The following ACBD5 variants were observed in gnomAD, a reference collection of about 807,000 sequenced individuals.
The protein encoded by ACBD5 is acyl-CoA binding domain containing 5.
A neutral mutation model predicts 71.8 loss-of-function variants in ACBD5; 40 were observed. The ratio of observed to expected loss-of-function variants is 0.56; its 90% CI spans 0.43 to 0.72. ACBD5 has a LOEUF of 0.72. Among genes scored for constraint, ACBD5 ranks in the 30% least tolerant of loss-of-function variants. ACBD5 has a pLI of 0.00. For missense variants in ACBD5, 559 were observed against 644.5 expected (o/e 0.87, Z 1.44); for synonymous variants, 229 against 218.6 (o/e 1.05, Z -0.42).
intron 4 of ACBD5, among the ~76,000 whole-genome samples, chr10:27,226,899 C>T (rs2063115897): frequency 6.6e-6 from 1 of 151,752 alleles, no homozygotes; most frequent in African/African-American, 2.4e-5. Flanking sequence ...AGAGATCCAC[C>T]CACCTCGGCC....
chr10:27,221,309 G>C (rs922648652), intron 5 of ACBD5, among the ~76,000 whole-genome samples: 1 of 152,156 alleles, frequency 6.6e-6, no homozygotes, highest in Non-Finnish European at 1.5e-5. Flanking sequence ...ACATTAAAGA[G>C]GAAAGAGACT....
chr10:27,214,187 A>G (rs1033757491), intron 8 of ACBD5, among the ~76,000 whole-genome samples: 1 of 152,194 alleles, frequency 6.6e-6, no homozygotes, highest in African/African-American at 2.4e-5. Flanking sequence ...CAGAGTGGCT[A>G]TAGTCGGCAA....
At chr10:27,239,772 A>C (rs1468488355) in intron 2 of ACBD5, among the ~76,000 whole-genome samples, 4 of 151,842 alleles carry the variant, frequency 2.6e-5, no homozygotes, top group African/African-American at 9.7e-5. Flanking sequence ...TTTGAGATGG[A>C]GTCTGGCTCT....
chr10:27,193,823 C>G (rs551582764), downstream of ACBD5, among the ~76,000 whole-genome samples: 1 of 152,138 alleles, frequency 6.6e-6, no homozygotes, highest in Admixed American at 6.6e-5. Context: ...AGACTTATAT[C>G]GAAGGAAAAG....
At chr10:27,240,971 C>T (rs2065432247), upstream of ACBD5, 6 of 588,378 alleles carry the variant, frequency 1.0e-5, no homozygotes, top group Non-Finnish European at 1.5e-5. The surrounding 1 kb of genome is among the most constrained non-coding windows in gnomAD (Gnocchi z 4.1). Context: ...GGAAAGGGGG[C>T]CACAGTCCCG....
intron 4 of ACBD5, among the ~76,000 whole-genome samples, chr10:27,228,814 T>TATATATATATATATA (rs2063460842): frequency 2.1e-4 from 1 of 4,866 alleles, no homozygotes; most frequent in Non-Finnish European, 5.6e-4. Context: ...TATATATATA[T>TATATATATATATATA]ATTTTTTTTT....
chr10:27,193,527 A>G (rs1187189163), downstream of ACBD5: 2 of 152,238 alleles, frequency 1.3e-5, no homozygotes, highest in Non-Finnish European at 2.9e-5. Flanking sequence ...CAAAAATATA[A>G]CTATGAGAGC....
chr10:27,232,551 C>A (rs1333166501), intron 3 of ACBD5, among the ~76,000 whole-genome samples: 1 of 152,104 alleles, frequency 6.6e-6, no homozygotes, highest in African/African-American at 2.4e-5. Context: ...TGGTCTCGAA[C>A]TCCTAACCTC....
chr10:27,204,467 A>G lies in ACBD5; in HGVS notation c.1538T>C (p.Val513Ala). The G allele has an allele frequency of 1.2e-6, 2 of 1,614,022 alleles. No homozygotes were observed. The highest frequency in any genetic ancestry group is 1.7e-6 in the Non-Finnish European group (2 of 1,179,906). ...TCTCCTTCTTTGATAGTATAAATAC[A>G]CCAACCACTGTGCAATAAAAGGCCA... The part of the protein sequence containing the change: ...IIWPFIAQWL[V>A]YLYYQRRRRK... The change falls in exon 12 of 13, where the codon GTG (valine) becomes GCG (alanine). Residue 513 changes from valine (V) to alanine (A), a missense_variant. Transcript: ENST00000396271.
chr10:27,205,378 T>A, intron 10 of ACBD5, 130 bp from the exon 11 acceptor site: 1 of 850,068 alleles, frequency 1.2e-6, no homozygotes, highest in Non-Finnish European at 2.0e-6. Flanking sequence ...TCTTTATGTA[T>A]AGAACAGTTG....
rs1169917244 is a variant in ACBD5, at chr10:27,228,791, T to TTA, written c.375+2955_375+2956dup. Among the ~76,000 whole-genome samples the TTA allele has an allele frequency of 6.8e-3, 151 of 22,138 alleles. 7 individuals are homozygous for TTA. Among genetic ancestry groups the TTA allele is most frequent in the Non-Finnish European group, 0.016 (98 of 5,988 alleles). 14.5% of individuals were successfully genotyped at this position (22,138 alleles called of 152,430 possible). ...TCTATAAAACATAATCCTATTATGT[T>TTA]TATATATATATATATATATATATAT... On this transcript the variant is annotated intron_variant, in intron 4 of 12. Coordinates refer to ENST00000396271, the MANE Select transcript of ACBD5 (RefSeq NM_145698.5).
intron 4 of ACBD5, among the ~76,000 whole-genome samples, chr10:27,225,486 G>A (rs2062903097): frequency 6.6e-6 from 1 of 152,134 alleles, no homozygotes; most frequent in African/African-American, 2.4e-5. Flanking sequence ...TGGTTCTAGT[G>A]ATTATAATTT....
downstream of ACBD5, among the ~76,000 whole-genome samples, chr10:27,190,314 C>T (rs906975472): frequency 4.9e-5 from 5 of 102,622 alleles, no homozygotes; most frequent in African/African-American, 1.7e-4. Flanking sequence ...TGTTTTGTCC[C>T]ACCCCCATTA....
chr10:27,196,865 T>C lies in ACBD5; in HGVS notation c.*565A>G, dbSNP rs1188424119. ...ATGCCTGAACACCAAACTCAAGAGT[T>C]GTGAATGCCCAAGAAAGATTATGGG... On this transcript the variant is annotated 3_prime_UTR_variant, in exon 13 of 13. Transcript: ENST00000396271. 1 of 454,102 alleles carries C rather than the reference T, an allele frequency of 2.2e-6. No homozygotes were observed. Among genetic ancestry groups the C allele is most frequent in the Admixed American group, 2.3e-5 (1 of 42,558 alleles). The allele number at this position is 454,102 out of a possible 1,614,324, so 28.1% of individuals were successfully genotyped here.
intron 12 of ACBD5, among the ~76,000 whole-genome samples, chr10:27,200,921 C>T (rs1317331535): frequency 6.6e-6 from 1 of 152,008 alleles, no homozygotes; most frequent in Non-Finnish European, 1.5e-5. Context: ...TCCTGTAATC[C>T]CAGTACAAGA....
chr10:27,208,968 G>A (rs368632546), intron 9 of ACBD5, among the ~76,000 whole-genome samples: 2 of 152,066 alleles, frequency 1.3e-5, no homozygotes, highest in Non-Finnish European at 2.9e-5. Flanking sequence ...TTTTTGCTAA[G>A]GTTCTATAAT....
chr10:27,213,905 T>C (rs976983223), intron 8 of ACBD5, among the ~76,000 whole-genome samples: 1 of 152,280 alleles, frequency 6.6e-6, no homozygotes, highest in Middle Eastern at 3.4e-3. Flanking sequence ...TAGCCAAGAT[T>C]TGGAAGCAAC....
intron 13 of ACBD5, among the ~76,000 whole-genome samples, chr10:27,190,011 A>G (rs1398348884): frequency 1.3e-5 from 2 of 152,042 alleles, no homozygotes; most frequent in Admixed American, 6.6e-5. Context: ...TAGGCTGGGC[A>G]TGGTGGCTTA....
chr10:27,195,182 T>C, downstream of ACBD5: 1 of 353,928 alleles, frequency 2.8e-6, no homozygotes. Flanking sequence ...ACCTAATCAA[T>C]GGGCTAATAG....
Sources: gnomAD v4.1 joint callset for allele counts (sites outside exome capture counted in the v4.1 genomes callset) on GRCh38, gnomAD v4.1.1 for gene constraint, Gnocchi (gnomAD v3.1) non-coding constraint, MANE v1.5 for transcripts, NCBI Gene and HGNC (gene_info 2026-07-23, HGNC 2026-07-21) for gene names.